Variants in SLC2A9 observed in about 807,000 individuals in gnomAD.
The protein encoded by SLC2A9 is solute carrier family 2 member 9.
A neutral mutation model predicts 50.6 loss-of-function variants in SLC2A9; 39 were observed. The ratio of observed to expected loss-of-function variants is 0.77; its 90% CI spans 0.60 to 1.01. The LOEUF (loss-of-function observed/expected upper bound fraction) is 1.01. SLC2A9 is among the 50% of genes least tolerant of loss of function. The probability of loss-of-function intolerance (pLI) is 0.00; values close to 1 mark genes in which losing one functional copy is unlikely to be tolerated. For synonymous variants in SLC2A9, 324 were observed against 276.9 expected (o/e 1.17, Z -1.69); for missense variants, 686 against 677.6 (o/e 1.01, Z -0.14).
At chr4:9,783,110 T>G (rs143674432) in intron 3 of SLC2A9, 47 of 1,614,224 alleles carry the variant, frequency 2.9e-5, no homozygotes, top group Middle Eastern at 1.6e-4. Context: ...CATCTATGCC[T>G]TCAACGCCGA....
intron 10 of SLC2A9, among the ~76,000 whole-genome samples, chr4:9,878,565 C>A (rs1286164195): frequency 6.6e-6 from 1 of 151,962 alleles, no homozygotes; most frequent in Non-Finnish European, 1.5e-5. Flanking sequence ...CCGTGATGCA[C>A]CCCCATACCT....
At chr4:9,804,521 G>A (rs911387773) in intron 3 of SLC2A9, among the ~76,000 whole-genome samples, 2 of 152,170 alleles carry the variant, frequency 1.3e-5, no homozygotes, top group African/African-American at 2.4e-5. Flanking sequence ...ATAGGCCACT[G>A]ATTTATTCCC....
At chr4:9,929,877 G>T (rs1560324511) in intron 6 of SLC2A9, among the ~76,000 whole-genome samples, 1 of 152,284 alleles carries the variant, frequency 6.6e-6, no homozygotes, top group East Asian at 1.9e-4. Flanking sequence ...TGTCCGCAGA[G>T]TCAGCTCCCT....
At chr4:9,954,291 C>T (rs1444549809) in intron 5 of SLC2A9, among the ~76,000 whole-genome samples, 2 of 152,278 alleles carry the variant, frequency 1.3e-5, no homozygotes, top group African/African-American at 4.8e-5. Context: ...TACCATTTCA[C>T]ACAGCCCAAA....
downstream of SLC2A9, among the ~76,000 whole-genome samples, chr4:9,777,210 G>C (rs1479154353): frequency 6.6e-6 from 1 of 152,024 alleles, no homozygotes; most frequent in Non-Finnish European, 1.5e-5. Flanking sequence ...AATAGGGTCT[G>C]GGAGATGGTT....
intron 3 of SLC2A9, among the ~76,000 whole-genome samples, chr4:9,799,694 C>CT: frequency 1.7e-5 from 1 of 57,398 alleles, no homozygotes; most frequent in Non-Finnish European, 4.3e-5. Flanking sequence ...CCAATTGTAC[C>CT]CCCCCCCCAC....
chr4:9,922,429 C>A (rs1744105772), intron 6 of SLC2A9, among the ~76,000 whole-genome samples: 1 of 151,964 alleles, frequency 6.6e-6, no homozygotes, highest in African/African-American at 2.4e-5. Flanking sequence ...CGCATGTTGA[C>A]CTATGTAACA....
chr4:9,855,427 A>G (rs1730582149), intron 10 of SLC2A9, among the ~76,000 whole-genome samples: 1 of 152,182 alleles, frequency 6.6e-6, no homozygotes, highest in African/African-American at 2.4e-5. Context: ...AAAGATCCCT[A>G]CAATGAAAAT....
chr4:9,821,156 A>G (rs1008352866), intron 3 of SLC2A9, among the ~76,000 whole-genome samples: 1 of 152,208 alleles, frequency 6.6e-6, no homozygotes, highest in Non-Finnish European at 1.5e-5. Context: ...GAATTTCATC[A>G]AATGTTTCCC....
At chr4:9,871,377 G>A (rs568946093) in intron 10 of SLC2A9, among the ~76,000 whole-genome samples, 48 of 152,270 alleles carry the variant, frequency 3.2e-4, no homozygotes, top group Middle Eastern at 3.4e-3. Context: ...TGTTCTAGAG[G>A]CAGAAGTCTA....
chr4:9,774,273 G>A (rs1026620512), intron 1 of SLC2A9, among the ~76,000 whole-genome samples: 20 of 152,092 alleles, frequency 1.3e-4, no homozygotes, highest in Admixed American at 3.3e-4. Flanking sequence ...GATTAAAGGC[G>A]TGAGCCACCA....
chr4:9,801,634 T>C (rs986227217), intron 3 of SLC2A9, among the ~76,000 whole-genome samples: 1 of 152,158 alleles, frequency 6.6e-6, no homozygotes, highest in African/African-American at 2.4e-5. Context: ...GCCAGTTTCC[T>C]TAGCTTCAGA....
At chr4:9,828,068 A>C (rs867570606) in intron 11 of SLC2A9, among the ~76,000 whole-genome samples, 5 of 152,188 alleles carry the variant, frequency 3.3e-5, no homozygotes, top group African/African-American at 1.2e-4. Flanking sequence ...TCCAAAGTGG[A>C]GCCTCTAAAA....
At chr4:10,038,682 C>A (rs1340360088) in intron 1 of SLC2A9, among the ~76,000 whole-genome samples, 1 of 152,114 alleles carries the variant, frequency 6.6e-6, no homozygotes, top group Non-Finnish European at 1.5e-5. Context: ...TTTAAAGTCG[C>A]TTGATGGATC....
chr4:9,823,177 C>A (rs777937530), downstream of SLC2A9, among the ~76,000 whole-genome samples: 4 of 152,128 alleles, frequency 2.6e-5, no homozygotes, highest in African/African-American at 9.7e-5. Flanking sequence ...GAAATATAAA[C>A]CTCCATGGCT....
intron 5 of SLC2A9, among the ~76,000 whole-genome samples, chr4:9,970,726 A>G (rs1281489438): frequency 1.3e-5 from 2 of 152,052 alleles, no homozygotes; most frequent in Non-Finnish European, 2.9e-5. Context: ...GAGACCTCTC[A>G]TATTGTTTTA....
intron 10 of SLC2A9, among the ~76,000 whole-genome samples, chr4:9,845,307 C>T (rs1274775598): frequency 6.6e-6 from 1 of 151,674 alleles, no homozygotes; most frequent in Non-Finnish European, 1.5e-5. Context: ...GCCACCACGC[C>T]CAGCCAAAAG....
At chr4:9,886,322 TAA>T (rs1366614366) in intron 10 of SLC2A9, among the ~76,000 whole-genome samples, 1 of 152,216 alleles carries the variant, frequency 6.6e-6, no homozygotes, top group Non-Finnish European at 1.5e-5. Flanking sequence ...GCGTCCACTG[TAA>T]ACTACAACAT....
At chr4:10,027,047 AAAACAAAAAAAAAAAGAACCCAGACAC>A (rs759020279) in intron 1 of SLC2A9, among the ~76,000 whole-genome samples, 5 of 151,908 alleles carry the variant, frequency 3.3e-5, no homozygotes, top group Non-Finnish European at 5.9e-5. Context: ...CTGTCTCAAA[AAAACAAAAAAAAAAAGAACCCAGACAC>A]AAAAAGCGAC....
Sources: allele counts gnomAD v4.1 joint callset (sites outside exome capture counted in the v4.1 genomes callset), GRCh38; gene constraint gnomAD v4.1.1; transcripts MANE v1.5; gene names NCBI Gene and HGNC (gene_info 2026-07-23, HGNC 2026-07-21).